Variants in TRAP1 observed in about 807,000 individuals in gnomAD.
The protein encoded by TRAP1 is TNF receptor associated protein 1.
TRAP1 carries 102 observed loss-of-function variants against 89.1 expected under a neutral mutation model. The observed-to-expected ratio is 1.15, with a 90% CI of 0.98 to 1.35. The LOEUF is 1.35. TRAP1 is among the 40% of genes most tolerant of loss of function. The pLI, the probability that TRAP1 is intolerant of heterozygous loss-of-function variation, is 0.00. For missense variants in TRAP1, 1,256 were observed against 945.3 expected, an observed-to-expected ratio of 1.33 and a Z score of -4.31; for synonymous variants, 508 against 388.0, an observed-to-expected ratio of 1.31 and a Z score of -3.64.
intron 1 of TRAP1, among the ~76,000 whole-genome samples, chr16:3,708,778 T>C (rs1323452187): frequency 6.7e-6 from 1 of 149,732 alleles, no homozygotes; most frequent in Non-Finnish European, 1.5e-5. Flanking sequence ...ATGGCGCCAC[T>C]GCACTCCAGC....
chr16:3,680,711 AC>A (rs1482343974), intron 4 of TRAP1, among the ~76,000 whole-genome samples: 1 of 152,192 alleles, frequency 6.6e-6, no homozygotes, highest in Non-Finnish European at 1.5e-5. Flanking sequence ...AGGGGATGGC[AC>A]TGGGAGGGGG....
In TRAP1 at chr16:3,713,933, C is replaced by T. The variant is rs562244508; in HGVS notation, c.88+3488G>A. On this transcript the variant is annotated intron_variant, in intron 1 of 17. Transcript: ENST00000246957. ...AGGAATGCAGGATGAGGCTCCTACG[C>T]ACAAGCTTATATCTGACAGAAAAGA... 5.9e-5 allele frequency among the ~76,000 whole-genome samples: 9 copies of T among 152,344 alleles called. No homozygotes were observed. The East Asian group carries it at 1.2e-3, about 20-fold the overall frequency.
In TRAP1 at chr16:3,664,771, G is replaced by A. The variant is rs189627679; in HGVS notation, c.1384-312C>T. ...CAGCAGAGCCCGGCCTGGACCCAGC[G>A]TCTTCCCTCTGCCCTCAGTGACAGA... is the stretch of plus-strand genomic sequence containing the variant. On this transcript the variant is annotated intron_variant, in intron 12 of 17. Coordinates refer to ENST00000246957, the MANE Select transcript of TRAP1 (RefSeq NM_016292.3). 8.0e-3 allele frequency: 2,591 copies of A among 323,200 alleles called. 19 individuals carry two copies. Among genetic ancestry groups the A allele is most frequent in the Non-Finnish European group, 0.011 (1,959 of 174,570 alleles). The allele number at this position is 323,200 out of a possible 1,614,324, so 20.0% of individuals were successfully genotyped here.
At position 3,672,691 on chromosome 16, in the gene TRAP1, G is replaced by C. The variant is rs764162607; in HGVS notation, c.1165+9C>G. The C allele has an allele frequency of 6.2e-7, 1 of 1,604,938 alleles. No individual in the cohort carries two copies. The highest frequency in any genetic ancestry group is 8.5e-7 in the Non-Finnish European group (1 of 1,176,444). ...CGGGGGCACTGCTCACGGACTCTGA[G>C]CAGCGTACCTCGGATGAAGCGCAGC... On this transcript the variant is annotated intron_variant, in intron 10 of 17. Coordinates refer to ENST00000246957, the MANE Select transcript of TRAP1 (RefSeq NM_016292.3).
chr16:3,673,119 C>T (rs926121490), intron 9 of TRAP1, among the ~76,000 whole-genome samples: 1 of 152,096 alleles, frequency 6.6e-6, no homozygotes, highest in East Asian at 1.9e-4. Context: ...AACCTTGCTA[C>T]AGGTCAGGGA....
intron 16 of TRAP1, chr16:3,659,750 T>A (rs1176971658): frequency 2.5e-5 from 1 of 39,448 alleles, no homozygotes; most frequent in Non-Finnish European, 4.2e-5. Context: ...CTTTTTTTTT[T>A]AGATAGATAG....
At chr16:3,706,001 C>CT (rs35811682) in intron 1 of TRAP1, among the ~76,000 whole-genome samples, 4,649 of 141,820 alleles carry the variant, frequency 0.033, 155 homozygotes, top group African/African-American at 0.081. Context: ...CCCTTTTTTT[C>CT]TTTTTTTTTT....
chr16:3,674,798 T>C (rs1191803666), intron 8 of TRAP1: 1 of 445,602 alleles, frequency 2.2e-6, no homozygotes, highest in Non-Finnish European at 4.1e-6. Flanking sequence ...ACGAATACAG[T>C]GTGGGCCGTG....
rs767121457 is a variant in TRAP1 at position 3,712,764 on chromosome 16, G to GC, written c.88+4656dup. Among the ~76,000 whole-genome samples, 4 of 152,282 alleles carry GC rather than the reference G, an allele frequency of 2.6e-5. No homozygotes were observed. In the South Asian group the frequency reaches 8.3e-4, roughly 32 times the overall value. The stretch of plus-strand genomic sequence containing the variant: ...CAAGTATCTGGGATTACAGGCGCCT[G>GC]CCACCACCCTGGCTAATTTCTTTGT... On this transcript the variant is annotated intron_variant, in intron 1 of 17. Transcript: ENST00000246957.
intron 4 of TRAP1, 40 bp downstream of exon 4, chr16:3,685,956 T>G (rs770576375): frequency 6.2e-7 from 1 of 1,601,210 alleles, no homozygotes; most frequent in Non-Finnish European, 8.5e-7. Context: ...CCTTGCTGCA[T>G]GGCCGGGCCT....
intron 8 of TRAP1, 82 bp downstream of exon 8, chr16:3,675,242 G>A (rs1420514873): frequency 1.4e-6 from 2 of 1,396,554 alleles, no homozygotes; most frequent in Non-Finnish European, 2.0e-6. Flanking sequence ...CGCATCCCCT[G>A]GGCTCATCTC....
intron 1 of TRAP1, among the ~76,000 whole-genome samples, chr16:3,703,196 A>C (rs758188320): frequency 6.6e-6 from 1 of 151,802 alleles, no homozygotes; most frequent in Middle Eastern, 3.4e-3. Context: ...TTTACCAAGA[A>C]AGCAAAATCT....
In TRAP1 at chr16:3,658,775, C is replaced by T. The variant is rs369834769; in HGVS notation, c.2013+18G>A. The stretch of plus-strand genomic sequence containing the variant: ...GGTAGCCTGGGTCCCTGCAGTCATC[C>T]TAAGCTGCTGCACTCACCTGATCCA... On this transcript the variant is annotated intron_variant, in intron 17 of 17. Coordinates refer to ENST00000246957, the MANE Select transcript of TRAP1 (RefSeq NM_016292.3). The T allele has an allele frequency of 9.3e-6, 15 of 1,611,200 alleles. No homozygotes were observed. The African/African-American group carries it at 1.9e-4, about 20-fold the overall frequency.
intron 16 of TRAP1, 126 bp from the exon 17 acceptor site, chr16:3,658,991 G>T: frequency 1.1e-6 from 1 of 878,164 alleles, no homozygotes; most frequent in South Asian, 1.7e-5. Context: ...TTTAAATAAG[G>T]TATGTTAATG....
At chr16:3,709,516 T>G (rs1228433705) in intron 1 of TRAP1, among the ~76,000 whole-genome samples, 1 of 152,168 alleles carries the variant, frequency 6.6e-6, no homozygotes, top group Non-Finnish European at 1.5e-5. Flanking sequence ...GAGGGTTACA[T>G]AAATTACAAA....
intron 8 of TRAP1, chr16:3,675,046 C>G (rs866541132): frequency 2.2e-6 from 1 of 458,254 alleles, no homozygotes. Context: ...TGTGGCTGCA[C>G]TGAACACCAT....
At chr16:3,706,555 G>A (rs960289569) in intron 1 of TRAP1, among the ~76,000 whole-genome samples, 3 of 150,788 alleles carry the variant, frequency 2.0e-5, no homozygotes, top group South Asian at 2.1e-4. Context: ...AAACTCCTGG[G>A]CTCGAGCAAT....
chr16:3,670,736 T>C (rs544231779), intron 11 of TRAP1, among the ~76,000 whole-genome samples: 4 of 151,968 alleles, frequency 2.6e-5, no homozygotes, highest in Admixed American at 2.6e-4. Context: ...GCTTGCTTGG[T>C]TGAAAAAAGA....
Position 3,690,940 on chromosome 16 carries a change from G to A in TRAP1, c.134C>T (p.Pro45Leu), listed in dbSNP as rs764464654. Residue 45 changes from proline (P) to leucine (L), a missense_variant, in exon 2 of 18, where the codon CCC (proline) becomes CTC (leucine). Coordinates refer to ENST00000246957, the MANE Select transcript of TRAP1 (RefSeq NM_016292.3). ...CAAGCTCCAGGCTGGGTTTCGCCTG[G>A]GGCCCAACTGGGCTGTGGTCCTCCG... ...CPRRTTAQLG[P>L]RRNPAWSLQA... is the part of the protein sequence containing the mutation. 1 of 1,579,802 alleles carries A rather than the reference G, an allele frequency of 6.3e-7. No homozygotes were observed. The highest frequency in any genetic ancestry group is 1.9e-5 in the Admixed American group (1 of 53,754).
Sources: allele counts gnomAD v4.1 joint callset (sites outside exome capture counted in the v4.1 genomes callset), GRCh38; gene constraint gnomAD v4.1.1; transcripts MANE v1.5; gene names NCBI Gene and HGNC (gene_info 2026-07-23, HGNC 2026-07-21).